TMEM178B: variants seen among roughly 807,000 people sequenced by gnomAD.
TMEM178B encodes the protein transmembrane protein 178B.
In TMEM178B, 5 loss-of-function variants were observed where a neutral mutation model predicts 31.0. The ratio of observed to expected loss-of-function variants is 0.16; its 90% CI spans 0.08 to 0.34. TMEM178B has a LOEUF of 0.34. TMEM178B is among the 10% of genes least tolerant of loss of function. TMEM178B has a pLI of 1.00. For synonymous variants in TMEM178B, 164 were observed against 164.0 expected (o/e 1.00, Z 0.00); for missense variants, 275 against 400.3 (o/e 0.69, Z 2.67).
intron 2 of TMEM178B, among the ~76,000 whole-genome samples, chr7:141,312,958 G>T (rs548892221): frequency 6.6e-6 from 1 of 152,140 alleles, no homozygotes; most frequent in Non-Finnish European, 1.5e-5. Flanking sequence ...CCAAATTTAG[G>T]CCAGTTACAT....
At chr7:141,177,716 G>C (rs1219250362) in intron 1 of TMEM178B, among the ~76,000 whole-genome samples, 1 of 152,088 alleles carries the variant, frequency 6.6e-6, no homozygotes, top group East Asian at 1.9e-4. Flanking sequence ...TGTCTCTTTT[G>C]ATCTTTGTTG....
At chr7:141,190,725 A>G (rs866811286) in intron 1 of TMEM178B, among the ~76,000 whole-genome samples, 1 of 152,218 alleles carries the variant, frequency 6.6e-6, no homozygotes, top group Non-Finnish European at 1.5e-5. Flanking sequence ...AAGTTGAACA[A>G]TCTAAGTCAA....
At chr7:141,157,514 G>GAACAACAAC (rs756842782) in intron 1 of TMEM178B, among the ~76,000 whole-genome samples, 1 of 151,658 alleles carries the variant, frequency 6.6e-6, no homozygotes, top group Non-Finnish European at 1.5e-5. Flanking sequence ...GACAATAACA[G>GAACAACAAC]AACAACAACA....
chr7:141,425,374 T>C (rs1452969514), intron 2 of TMEM178B, among the ~76,000 whole-genome samples: 1 of 152,184 alleles, frequency 6.6e-6, no homozygotes, highest in Non-Finnish European at 1.5e-5. Context: ...TCTGCACAGC[T>C]CTCAGTGATG....
intron 2 of TMEM178B, among the ~76,000 whole-genome samples, chr7:141,297,850 A>G (rs1487293604): frequency 6.6e-6 from 1 of 152,254 alleles, no homozygotes; most frequent in Non-Finnish European, 1.5e-5. Context: ...AGCATGATTT[A>G]TAATCCTTTG....
At chr7:141,213,757 G>A (rs1366553492) in intron 2 of TMEM178B, among the ~76,000 whole-genome samples, 1 of 152,176 alleles carries the variant, frequency 6.6e-6, no homozygotes. Context: ...GCTTCGGGTG[G>A]GAGTGGGAGG....
At chr7:141,371,765 G>A (rs545897288) in intron 2 of TMEM178B, among the ~76,000 whole-genome samples, 1 of 152,212 alleles carries the variant, frequency 6.6e-6, no homozygotes, top group Admixed American at 6.5e-5. Context: ...GTGGCCACTG[G>A]CTAAGGCCAC....
rs539395314 is a variant in TMEM178B at position 141,078,716 on chromosome 7, A to G, written c.382+4024A>G. Among the ~76,000 whole-genome samples, 32 of 152,290 alleles carry G rather than the reference A, an allele frequency of 2.1e-4. No individual in the cohort carries two copies. The South Asian group carries it at 6.6e-3, about 32-fold the overall frequency. On this transcript the variant is annotated intron_variant, in intron 1 of 3. Coordinates refer to ENST00000565468, the MANE Select transcript of TMEM178B (RefSeq NM_001195278.2). ...GGTTAGGGAAAGTTGTCCTGAGGAA[A>G]TGAAATCTGAACAAGATGTTTGATA...
chr7:141,261,832 C>T (rs1218167819), intron 2 of TMEM178B, among the ~76,000 whole-genome samples: 1 of 152,158 alleles, frequency 6.6e-6, no homozygotes, highest in Non-Finnish European at 1.5e-5. Flanking sequence ...TATCTACCAA[C>T]AAACAGTAAG....
intron 2 of TMEM178B, among the ~76,000 whole-genome samples, chr7:141,244,116 C>G (rs1797687851): frequency 6.6e-6 from 1 of 152,106 alleles, no homozygotes; most frequent in Non-Finnish European, 1.5e-5. Context: ...TATTTTGCAC[C>G]AGGTCCTGAG....
At chr7:141,121,301 T>G (rs563320885) in intron 1 of TMEM178B, among the ~76,000 whole-genome samples, 4 of 152,324 alleles carry the variant, frequency 2.6e-5, no homozygotes, top group Non-Finnish European at 5.9e-5. Context: ...TATGGCTAAA[T>G]TTTCCCAAAG....
intron 2 of TMEM178B, among the ~76,000 whole-genome samples, chr7:141,295,979 CAT>C (rs909473519): frequency 2.0e-5 from 3 of 152,142 alleles, no homozygotes; most frequent in Non-Finnish European, 4.4e-5. Context: ...GCAGCGCACA[CAT>C]GTCTCTTCTA....
intron 2 of TMEM178B, among the ~76,000 whole-genome samples, chr7:141,293,922 ATGT>A (rs1798588527): frequency 1.3e-5 from 2 of 152,308 alleles, no homozygotes; most frequent in East Asian, 1.9e-4. Flanking sequence ...TGAAGTTGTT[ATGT>A]TGTTATTTCC....
chr7:141,415,745 C>A (rs936968157), intron 2 of TMEM178B, among the ~76,000 whole-genome samples: 1 of 152,210 alleles, frequency 6.6e-6, no homozygotes, highest in East Asian at 1.9e-4. Flanking sequence ...AGGGGATGTG[C>A]CCTTTGATAG....
At chr7:141,233,628 C>A (rs562413172) in intron 2 of TMEM178B, among the ~76,000 whole-genome samples, 1 of 152,210 alleles carries the variant, frequency 6.6e-6, no homozygotes, top group Admixed American at 6.5e-5. Flanking sequence ...GTCTTAGGTC[C>A]CTTGTAGCAC....
At position 141,402,116 on chromosome 7, in the gene TMEM178B, C is replaced by T. The variant is rs150044737; in HGVS notation, c.497-35492C>T. Among the ~76,000 whole-genome samples the T allele has an allele frequency of 2.3e-3, 343 of 152,296 alleles. 1 individual carries two copies. Among genetic ancestry groups the T allele is most frequent in the African/African-American group, 8.0e-3 (331 of 41,556 alleles). ...GGGAGACACAAAGAAGGGTGAGCAA[C>T]AGTCCTGCCCTCCGGAGGACCCGCT... On this transcript the variant is annotated intron_variant, in intron 2 of 3. Coordinates refer to ENST00000565468, the MANE Select transcript of TMEM178B (RefSeq NM_001195278.2).
At chr7:141,407,818 A>C (rs1182598569) in intron 2 of TMEM178B, among the ~76,000 whole-genome samples, 1 of 152,242 alleles carries the variant, frequency 6.6e-6, no homozygotes, top group Non-Finnish European at 1.5e-5. Context: ...CTAGATTTTC[A>C]CAGAATCATA....
intron 2 of TMEM178B, among the ~76,000 whole-genome samples, chr7:141,356,926 CTG>C (rs1719172510): frequency 1.3e-5 from 2 of 152,120 alleles, no homozygotes; most frequent in Non-Finnish European, 2.9e-5. Flanking sequence ...AAATCAATAA[CTG>C]TGAACACAGA....
At chr7:141,334,997 A>G (rs1799358891) in intron 2 of TMEM178B, among the ~76,000 whole-genome samples, 1 of 152,176 alleles carries the variant, frequency 6.6e-6, no homozygotes, top group Admixed American at 6.5e-5. Context: ...TTTCACCTTT[A>G]TCTTTTCCTC....
Sources: gnomAD v4.1 joint callset for allele counts (sites outside exome capture counted in the v4.1 genomes callset) on GRCh38, gnomAD v4.1.1 for gene constraint, MANE v1.5 for transcripts, NCBI Gene and HGNC (gene_info 2026-07-23, HGNC 2026-07-21) for gene names.